The following TNRC6B variants were observed in gnomAD, a reference collection of about 807,000 sequenced individuals.
TNRC6B encodes the protein trinucleotide repeat-containing gene 6B protein.
A neutral mutation model predicts 203.6 loss-of-function variants in TNRC6B; 52 were observed. The ratio of observed to expected loss-of-function variants is 0.26; its 90% CI spans 0.20 to 0.32. The LOEUF (loss-of-function observed/expected upper bound fraction) is 0.32. TNRC6B is among the 10% of genes least tolerant of loss of function. TNRC6B has a pLI of 1.00. For missense variants in TNRC6B, 1,923 were observed against 2,286.2 expected, an observed-to-expected ratio of 0.84 and a Z score of 3.24; for synonymous variants, 838 against 845.7, an observed-to-expected ratio of 0.99 and a Z score of 0.16.
chr22:40,224,575 G>T (rs2069758265), intron 1 of TNRC6B, among the ~76,000 whole-genome samples: 1 of 152,146 alleles, frequency 6.6e-6, no homozygotes, highest in Non-Finnish European at 1.5e-5. Flanking sequence ...CATTTCTGTA[G>T]TCAGATGTAG....
At chr22:40,241,753 G>A (rs192394684) in intron 1 of TNRC6B, among the ~76,000 whole-genome samples, 2 of 152,220 alleles carry the variant, frequency 1.3e-5, no homozygotes, top group Admixed American at 1.3e-4. Context: ...GTATTTTATG[G>A]GGAGGTGTTT....
chr22:40,169,607 A>T (rs1041805826), intron 4 of TNRC6B, among the ~76,000 whole-genome samples: 2 of 152,026 alleles, frequency 1.3e-5, no homozygotes, highest in Non-Finnish European at 2.9e-5. Context: ...ACCCTCTCTC[A>T]CTTAGATGGC....
chr22:40,207,406 C>CAAAAAAA (rs1253967138), intron 1 of TNRC6B, among the ~76,000 whole-genome samples: 1 of 98,280 alleles, frequency 1.0e-5, no homozygotes, highest in Non-Finnish European at 2.1e-5. Context: ...GACCCTGCCT[C>CAAAAAAA]AAAAAAAAAA....
chr22:40,170,894 T>C (rs115121193), intron 4 of TNRC6B, among the ~76,000 whole-genome samples: 4,039 of 138,394 alleles, frequency 0.029, 241 homozygotes, highest in African/African-American at 0.1. Flanking sequence ...TATACATATA[T>C]ACCTATATAT....
intron 1 of TNRC6B, among the ~76,000 whole-genome samples, chr22:40,094,437 A>G (rs188962865): frequency 1.3e-5 from 2 of 152,332 alleles, no homozygotes; most frequent in Admixed American, 6.5e-5. Context: ...GATAGCAGAT[A>G]CTCAAGTACA....
At chr22:40,152,853 C>T (rs763968153) in intron 3 of TNRC6B, among the ~76,000 whole-genome samples, 1 of 151,954 alleles carries the variant, frequency 6.6e-6, no homozygotes, top group African/African-American at 2.4e-5. Flanking sequence ...ATAATCCCAG[C>T]ACTTTGGGAG....
chr22:40,280,023 G>A lies in TNRC6B; in HGVS notation c.3291G>A (p.Val1097=), dbSNP rs752668290. 1.2e-6 allele frequency: 2 copies of A among 1,613,636 alleles called. No homozygotes were observed. The highest frequency in any genetic ancestry group is 1.7e-5 in the Admixed American group (1 of 59,974). ...GCCTTTCAGATAAAAAATTTGATGT[G>A]GACAAGCGAGCGATGAATCTCGGGG... is the stretch of plus-strand genomic sequence containing the variant. ...VGSLSDKKFD[V]DKRAMNLGDF... is the part of the protein sequence containing the mutation. Residue 1097 remains valine, a synonymous_variant, in exon 10 of 23, where the codon GTG becomes GTA. Coordinates refer to ENST00000454349, the MANE Select transcript of TNRC6B (RefSeq NM_001162501.2).
At chr22:40,303,046 C>CTT (rs756951957) in intron 15 of TNRC6B, among the ~76,000 whole-genome samples, 101 of 90,006 alleles carry the variant, frequency 1.1e-3, no homozygotes, top group Middle Eastern at 5.8e-3. Context: ...TCTTCTTCTT[C>CTT]TTTTTTTTTT....
chr22:40,271,441 C>A (rs995747336), intron 6 of TNRC6B, among the ~76,000 whole-genome samples: 2 of 152,314 alleles, frequency 1.3e-5, no homozygotes, highest in East Asian at 1.9e-4. Flanking sequence ...TAGCTCTATT[C>A]TGGAAATTCA....
At chr22:40,091,925 C>G in intron 1 of TNRC6B, among the ~76,000 whole-genome samples, 1 of 152,130 alleles carries the variant, frequency 6.6e-6, no homozygotes, top group East Asian at 1.9e-4. Flanking sequence ...TTAAATTGTT[C>G]TTGGGTTAGT....
At chr22:40,181,236 A>G (rs187432867) in intron 1 of TNRC6B, among the ~76,000 whole-genome samples, 1 of 152,160 alleles carries the variant, frequency 6.6e-6, no homozygotes, top group African/African-American at 2.4e-5. Context: ...CTTCAGCTCT[A>G]CAAGAGACAC....
intron 1 of TNRC6B, among the ~76,000 whole-genome samples, chr22:40,244,859 CAT>C (rs1213701633): frequency 6.6e-6 from 1 of 152,152 alleles, no homozygotes; most frequent in Non-Finnish European, 1.5e-5. Context: ...CCAGTTGATA[CAT>C]AGAGTGAAAG....
At chr22:40,174,079 G>A (rs1380288425), upstream of TNRC6B, among the ~76,000 whole-genome samples, 3 of 151,190 alleles carry the variant, frequency 2.0e-5, no homozygotes, top group East Asian at 2.0e-4. Context: ...GATTACAGGC[G>A]TGAGCCACCA....
chr22:40,272,566 C>CT (rs1468384435), intron 6 of TNRC6B, among the ~76,000 whole-genome samples: 1 of 152,140 alleles, frequency 6.6e-6, no homozygotes, highest in Non-Finnish European at 1.5e-5. Context: ...GTTTCCTTTT[C>CT]TTTCATCATT....
chr22:40,076,593 A>G (rs1000867564), intron 1 of TNRC6B, among the ~76,000 whole-genome samples: 1 of 152,196 alleles, frequency 6.6e-6, no homozygotes, highest in Non-Finnish European at 1.5e-5. Flanking sequence ...TTGTAGAGAC[A>G]GCCTCTCTCC....
chr22:40,236,939 C>A (rs1048176504), intron 1 of TNRC6B, among the ~76,000 whole-genome samples: 1 of 151,922 alleles, frequency 6.6e-6, no homozygotes, highest in Non-Finnish European at 1.5e-5. Context: ...TCGAGGCGGG[C>A]GGATTATCTG....
At chr22:40,218,411 C>T (rs939271979) in intron 1 of TNRC6B, among the ~76,000 whole-genome samples, 3 of 146,726 alleles carry the variant, frequency 2.0e-5, no homozygotes, top group African/African-American at 7.5e-5. Flanking sequence ...TCTGCAGCCT[C>T]GACCTCCTGG....
chr22:40,260,880 A>G (rs1041948584), intron 3 of TNRC6B, among the ~76,000 whole-genome samples: 1 of 152,142 alleles, frequency 6.6e-6, no homozygotes, highest in African/African-American at 2.4e-5. Context: ...CCTTCAGCAA[A>G]CTGGAGAGAT....
At chr22:40,139,325 A>ATTTTTTTTTTTTTTTTTTGTTTT (rs2068626346) in intron 3 of TNRC6B, among the ~76,000 whole-genome samples, 1 of 120,618 alleles carries the variant, frequency 8.3e-6, no homozygotes. Flanking sequence ...GGGTGTACGC[A>ATTTTTTTTTTTTTTTTTTGTTTT]TTTTTTTTTT....
Sources: allele counts gnomAD v4.1 joint callset (sites outside exome capture counted in the v4.1 genomes callset), GRCh38; gene constraint gnomAD v4.1.1; transcripts MANE v1.5; gene names NCBI Gene and HGNC (gene_info 2026-07-23, HGNC 2026-07-21).